Variants in EPB41L4A observed in about 807,000 individuals in gnomAD.
EPB41L4A encodes the protein erythrocyte membrane protein band 4.1 like 4A.
Under a neutral mutation model 108.6 loss-of-function variants are expected in EPB41L4A, and 100 were observed. That is an observed-to-expected ratio of 0.92 (90% CI 0.78 to 1.09). EPB41L4A has a LOEUF of 1.09. EPB41L4A is among the 50% of genes least tolerant of loss of function. The probability of loss-of-function intolerance (pLI) is 0.00; values close to 1 mark genes in which losing one functional copy is unlikely to be tolerated. For synonymous variants in EPB41L4A, 319 were observed against 289.0 expected, an observed-to-expected ratio of 1.10 and a Z score of -1.05; for missense variants, 1,030 against 842.7, an observed-to-expected ratio of 1.22 and a Z score of -2.75.
At position 112,418,952 on chromosome 5, in the gene EPB41L4A, G is replaced by C. The variant is rs779442573; in HGVS notation, c.88C>G (p.Gln30Glu). The change falls in exon 1 of 23, where the codon CAG becomes GAG. Residue 30 changes from glutamine (Q) to glutamate (E), a missense_variant. Coordinates refer to ENST00000261486, the MANE Select transcript of EPB41L4A (RefSeq NM_022140.5). ...CGGGCCGCACCCACCTTGATGCCCT[G>C]CTGCTGGGTGGTAAGGGTTAACTTG... ...ESKLTLTTQQ[Q>E]GIKKSTKGSV... 1.4e-5 allele frequency: 23 copies of C among 1,612,940 alleles called. No homozygotes were observed. The highest frequency in any genetic ancestry group is 1.4e-5 in the Non-Finnish European group (17 of 1,179,338).
chr5:112,238,693 G>A (rs922234301), intron 11 of EPB41L4A, among the ~76,000 whole-genome samples: 7 of 152,112 alleles, frequency 4.6e-5, no homozygotes, highest in African/African-American at 9.7e-5. Flanking sequence ...TCCCCACCCT[G>A]CTTGGGTTTT....
At chr5:112,385,683 G>C (rs910298669) in intron 1 of EPB41L4A, among the ~76,000 whole-genome samples, 3 of 152,156 alleles carry the variant, frequency 2.0e-5, no homozygotes, top group African/African-American at 4.8e-5. Flanking sequence ...TGTTAAGAGA[G>C]ACTCCAATAG....
chr5:112,232,061 C>T (rs1419886826), intron 12 of EPB41L4A, among the ~76,000 whole-genome samples: 3 of 148,916 alleles, frequency 2.0e-5, no homozygotes, highest in Non-Finnish European at 4.4e-5. Flanking sequence ...CTACTGTGAG[C>T]TATGGCCACA....
At chr5:112,240,983 T>C (rs1382909911) in intron 9 of EPB41L4A, among the ~76,000 whole-genome samples, 173 bp from the exon 10 acceptor site, 1 of 152,166 alleles carries the variant, frequency 6.6e-6, no homozygotes, top group Admixed American at 6.6e-5. Flanking sequence ...AAAATCACCT[T>C]CCATCGATTA....
chr5:112,243,331 A>C (rs1348298292), intron 9 of EPB41L4A, among the ~76,000 whole-genome samples: 1 of 147,914 alleles, frequency 6.8e-6, no homozygotes, highest in African/African-American at 2.7e-5. Flanking sequence ...TGCTGTAAAT[A>C]GGTGTGCTGT....
chr5:112,366,252 G>A (rs941837177), intron 1 of EPB41L4A, among the ~76,000 whole-genome samples: 2 of 150,462 alleles, frequency 1.3e-5, no homozygotes, highest in Non-Finnish European at 3.0e-5. Context: ...TTTATTTGTT[G>A]TGGTATACTT....
upstream of EPB41L4A, chr5:112,419,723 CCGGAAGAGAGG>C (rs1326216953): frequency 3.7e-5 from 17 of 456,764 alleles, no homozygotes; most frequent in Middle Eastern, 2.3e-3. Context: ...CGCCGAGGAG[CCGGAAGAGAGG>C]CGGAAAGGGC....
chr5:112,356,732 T>A lies in EPB41L4A; in HGVS notation c.100-49242A>T, dbSNP rs558194113. Reference sequence around the variant, plus strand: ...AGTACACTGTGCTGACTGCAACTGATGAAATGGAAGTAACAAATCTGACAG... The same window carrying A: ...AGTACACTGTGCTGACTGCAACTGAAGAAATGGAAGTAACAAATCTGACAG... On this transcript the variant is annotated intron_variant, in intron 1 of 22. Transcript: ENST00000261486. Among the ~76,000 whole-genome samples the A allele has an allele frequency of 3.9e-5, 6 of 152,190 alleles. No homozygotes were observed. The South Asian group carries it at 1.2e-3, about 32-fold the overall frequency.
chr5:112,296,128 C>T (rs980987725), intron 2 of EPB41L4A, among the ~76,000 whole-genome samples: 6 of 152,052 alleles, frequency 3.9e-5, no homozygotes, highest in African/African-American at 1.4e-4. Context: ...TGAACTAAAT[C>T]TGCAATTCTA....
chr5:112,292,618 A>G (rs1364637944), intron 2 of EPB41L4A, among the ~76,000 whole-genome samples: 1 of 152,266 alleles, frequency 6.6e-6, no homozygotes, highest in African/African-American at 2.4e-5. Context: ...ACATGCAGCA[A>G]ATTTGCAATT....
intron 1 of EPB41L4A, among the ~76,000 whole-genome samples, chr5:112,378,624 A>C (rs1179301554): frequency 6.6e-6 from 1 of 152,190 alleles, no homozygotes; most frequent in East Asian, 1.9e-4. Flanking sequence ...ACTGGGGTGG[A>C]GGGCTGTGGA....
intron 2 of EPB41L4A, among the ~76,000 whole-genome samples, chr5:112,288,641 G>T (rs2150528232): frequency 6.6e-6 from 1 of 152,176 alleles, no homozygotes; most frequent in South Asian, 2.1e-4. Flanking sequence ...CTCCTGTTTT[G>T]CCCCTTTCTA....
chr5:112,394,849 A>G (rs1275645618), intron 1 of EPB41L4A, among the ~76,000 whole-genome samples: 1 of 152,242 alleles, frequency 6.6e-6, no homozygotes, highest in Admixed American at 6.5e-5. Context: ...AAACTATACT[A>G]CAAGGCTACA....
chr5:112,272,091 A>G (rs1227515286), intron 4 of EPB41L4A, among the ~76,000 whole-genome samples: 8 of 151,514 alleles, frequency 5.3e-5, no homozygotes, highest in African/African-American at 1.9e-4. Flanking sequence ...ATATATTAAT[A>G]GTATGACCAT....
At chr5:112,360,850 C>T (rs1354124834) in intron 1 of EPB41L4A, among the ~76,000 whole-genome samples, 1 of 151,878 alleles carries the variant, frequency 6.6e-6, no homozygotes, top group African/African-American at 2.4e-5. Flanking sequence ...CCCGCCACTC[C>T]GTCTGGGATG....
chr5:112,312,196 T>C, intron 1 of EPB41L4A, among the ~76,000 whole-genome samples: 1 of 152,136 alleles, frequency 6.6e-6, no homozygotes. Context: ...GAAAACCAGC[T>C]CGGGAGTTTA....
chr5:112,385,867 C>A (rs1159750755), intron 1 of EPB41L4A, among the ~76,000 whole-genome samples: 9 of 152,166 alleles, frequency 5.9e-5, no homozygotes, highest in Non-Finnish European at 1.2e-4. Context: ...TAGGATGTTT[C>A]TGGAAATAAT....
At chr5:112,378,179 T>C (rs1488371743) in intron 1 of EPB41L4A, among the ~76,000 whole-genome samples, 1 of 152,172 alleles carries the variant, frequency 6.6e-6, no homozygotes, top group Non-Finnish European at 1.5e-5. Flanking sequence ...ATTCACAATC[T>C]ATCCTGATAC....
intron 2 of EPB41L4A, among the ~76,000 whole-genome samples, chr5:112,282,972 A>T (rs1753064189): frequency 6.6e-6 from 1 of 152,200 alleles, no homozygotes; most frequent in Non-Finnish European, 1.5e-5. Flanking sequence ...AGCCAGCTAA[A>T]GAAAATAGGA....
Sources: allele counts gnomAD v4.1 joint callset (sites outside exome capture counted in the v4.1 genomes callset), GRCh38; gene constraint gnomAD v4.1.1; transcripts MANE v1.5; gene names NCBI Gene and HGNC (gene_info 2026-07-23, HGNC 2026-07-21).